The following ALG9 variants were observed in gnomAD, a reference collection of about 807,000 sequenced individuals.
ALG9 encodes ALG9 alpha-1,2-mannosyltransferase.
ALG9 carries 55 observed loss-of-function variants against 81.8 expected under a neutral mutation model. The observed-to-expected ratio is 0.67, with a 90% CI of 0.54 to 0.84. The LOEUF (loss-of-function observed/expected upper bound fraction) is 0.84, where lower values mean the gene tolerates loss of function less well. Among genes scored for constraint, ALG9 ranks in the 40% least tolerant of loss-of-function variants. The probability of loss-of-function intolerance (pLI) is 0.00; values close to 1 mark genes in which losing one functional copy is unlikely to be tolerated. For missense variants in ALG9, 629 were observed against 745.0 expected, an observed-to-expected ratio of 0.84 and a Z score of 1.81; for synonymous variants, 278 against 274.3, an observed-to-expected ratio of 1.01 and a Z score of -0.13.
chr11:111,831,937 T>C (rs1954443669), intron 13 of ALG9, among the ~76,000 whole-genome samples: 2 of 152,372 alleles, frequency 1.3e-5, no homozygotes, highest in African/African-American at 4.8e-5. Flanking sequence ...CATTTGATTA[T>C]GTCATTTAAT....
chr11:111,832,581 C>CT (rs1487265923), intron 13 of ALG9, among the ~76,000 whole-genome samples: 1 of 152,102 alleles, frequency 6.6e-6, no homozygotes, highest in Non-Finnish European at 1.5e-5. Context: ...TTTTTAATCT[C>CT]TTTTTTAACT....
Position 111,838,180 on chromosome 11 carries a change from C to A in ALG9, c.1324+69G>T. ...ATAAGCCAAATATGTATTATATAAT[C>A]ATGAATCAAGTAAAACCTAAGAGCA... On this transcript the variant is annotated intron_variant, in intron 11 of 14. Coordinates refer to ENST00000616540, the MANE Select transcript of ALG9 (RefSeq NM_024740.2). The A allele has an allele frequency of 1.9e-6, 3 of 1,582,946 alleles. No individual in the cohort carries two copies. In the South Asian group the frequency reaches 3.3e-5, roughly 18 times the overall value.
At chr11:111,810,527 G>A (rs540508527) in intron 13 of ALG9, among the ~76,000 whole-genome samples, 2 of 152,290 alleles carry the variant, frequency 1.3e-5, no homozygotes, top group Non-Finnish European at 2.9e-5. Context: ...AGGCCAAGGT[G>A]TACAGATCGT....
intron 14 of ALG9, among the ~76,000 whole-genome samples, chr11:111,802,865 C>T (rs780902383): frequency 2.0e-5 from 3 of 152,154 alleles, no homozygotes; most frequent in African/African-American, 7.2e-5. Flanking sequence ...TTATTTCACA[C>T]CTTCTTTCTC....
At chr11:111,798,190 G>T in intron 14 of ALG9, 1 of 322,730 alleles carries the variant, frequency 3.1e-6, no homozygotes, top group South Asian at 2.5e-5. Context: ...GCAACAGAGC[G>T]AGACCCTGTC....
intron 14 of ALG9, among the ~76,000 whole-genome samples, chr11:111,786,823 A>G (rs1242601416): frequency 6.6e-6 from 1 of 152,172 alleles, no homozygotes; most frequent in Non-Finnish European, 1.5e-5. Flanking sequence ...CAATCAAAGG[A>G]CTTCTATTGC....
the ALG9 span, among the ~76,000 whole-genome samples, chr11:111,773,593 C>CTTAG: frequency 6.6e-6 from 1 of 151,966 alleles, no homozygotes; most frequent in African/African-American, 2.4e-5. Flanking sequence ...TCTCAAAAGC[C>CTTAG]TTAGGCCTTT....
chr11:111,780,405 T>TGTTTTTC (rs567749237), downstream of ALG9, among the ~76,000 whole-genome samples: 1,758 of 151,960 alleles, frequency 0.012, 38 homozygotes, highest in African/African-American at 0.04. Context: ...TTTTGTTTTT[T>TGTTTTTC]GTTTTTTTTG....
chr11:111,808,033 G>A (rs781853514), intron 14 of ALG9, among the ~76,000 whole-genome samples: 8 of 152,158 alleles, frequency 5.3e-5, no homozygotes, highest in Admixed American at 2.0e-4. Flanking sequence ...TTGTGCCTCT[G>A]CATTCCAGCG....
intron 13 of ALG9, among the ~76,000 whole-genome samples, chr11:111,819,576 C>T (rs534199051): frequency 6.6e-6 from 1 of 152,340 alleles, no homozygotes; most frequent in East Asian, 1.9e-4. Flanking sequence ...ACAGTTTGCC[C>T]ACAGCTAAGT....
chr11:111,800,573 T>C (rs1555079598), intron 14 of ALG9, among the ~76,000 whole-genome samples: 1 of 151,632 alleles, frequency 6.6e-6, no homozygotes, highest in African/African-American at 2.4e-5. Flanking sequence ...TCTCCAAACC[T>C]GCCTAACCAG....
At chr11:111,864,959 T>G (rs1961802948) in intron 4 of ALG9, among the ~76,000 whole-genome samples, 1 of 152,140 alleles carries the variant, frequency 6.6e-6, no homozygotes. Context: ...GTATTTTTAG[T>G]AGAGATGGGG....
At chr11:111,809,810 T>C (rs1555089480) in intron 13 of ALG9, 37 bp from the exon 14 acceptor site, 3 of 1,612,562 alleles carry the variant, frequency 1.9e-6, no homozygotes, top group South Asian at 1.1e-5. Flanking sequence ...ATTAGTAATT[T>C]TGAAGGTCCC....
At chr11:111,847,898 T>C (rs1236865498) in intron 8 of ALG9, among the ~76,000 whole-genome samples, 1 of 152,210 alleles carries the variant, frequency 6.6e-6, no homozygotes, top group Non-Finnish European at 1.5e-5. Context: ...TTCAAAGGTA[T>C]AATTTTCCAC....
At chr11:111,797,092 T>C (rs960598574) in intron 14 of ALG9, among the ~76,000 whole-genome samples, 2 of 152,200 alleles carry the variant, frequency 1.3e-5, no homozygotes, top group Non-Finnish European at 2.9e-5. Flanking sequence ...GAGAACGGCA[T>C]TGCAAGATAA....
At chr11:111,771,623 A>T in the ALG9 span, among the ~76,000 whole-genome samples, 1,650 of 152,290 alleles carry the variant, frequency 0.011, 12 homozygotes, top group Non-Finnish European at 0.018. Flanking sequence ...TGTCCCCCTG[A>T]AAGGGACATC....
At chr11:111,845,008 A>C (rs1485327620) in intron 8 of ALG9, among the ~76,000 whole-genome samples, 2 of 152,238 alleles carry the variant, frequency 1.3e-5, no homozygotes, top group Admixed American at 1.3e-4. Flanking sequence ...GCTATGCCCC[A>C]ATGGAACTAA....
At chr11:111,865,398 C>T in intron 3 of ALG9, 147 bp from the exon 4 acceptor site, 2 of 632,910 alleles carry the variant, frequency 3.2e-6, no homozygotes, top group Non-Finnish European at 2.7e-6. Context: ...ATTTTCATAT[C>T]CCTTGACTCA....
chr11:111,789,986 A>C (rs1305513076), intron 14 of ALG9, among the ~76,000 whole-genome samples: 2 of 152,084 alleles, frequency 1.3e-5, no homozygotes, highest in African/African-American at 4.8e-5. Flanking sequence ...TGGAAAAAAA[A>C]ATTTCCTGAT....
Sources: gnomAD v4.1 joint callset for allele counts (sites outside exome capture counted in the v4.1 genomes callset) on GRCh38, gnomAD v4.1.1 for gene constraint, MANE v1.5 for transcripts, NCBI Gene and HGNC (gene_info 2026-07-23, HGNC 2026-07-21) for gene names.